GRIK2: variants seen among roughly 807,000 people sequenced by gnomAD.
The protein encoded by GRIK2 is glutamate receptor ionotropic, kainate 2.
Under a neutral mutation model 100.3 loss-of-function variants are expected in GRIK2, and 32 were observed. The ratio of observed to expected loss-of-function variants is 0.32; its 90% confidence interval spans 0.24 to 0.43. The LOEUF is 0.43. Ranked by LOEUF, GRIK2 falls within the 20% of genes least tolerant of loss-of-function variation. GRIK2 has a pLI of 1.00. For missense variants in GRIK2, 843 were observed against 1,114.9 expected (o/e 0.76, Z 3.47); for synonymous variants, 417 against 389.4 (o/e 1.07, Z -0.83).
At chr6:101,579,231 C>G (rs1278986412) in intron 2 of GRIK2, among the ~76,000 whole-genome samples, 1 of 151,992 alleles carries the variant, frequency 6.6e-6, no homozygotes, top group Non-Finnish European at 1.5e-5. Flanking sequence ...AGTATATATT[C>G]CCATGGTCAT....
chr6:102,057,506 C>G (rs1041434498), intron 16 of GRIK2, among the ~76,000 whole-genome samples: 13 of 151,888 alleles, frequency 8.6e-5, no homozygotes, highest in Non-Finnish European at 1.5e-4. Flanking sequence ...TCTATATGAT[C>G]CTCTAAAAAT....
chr6:101,886,370 A>G (rs548593960), intron 11 of GRIK2, among the ~76,000 whole-genome samples: 1 of 152,114 alleles, frequency 6.6e-6, no homozygotes, highest in Admixed American at 6.5e-5. Flanking sequence ...GAATGTGTCT[A>G]TCTGTATCCT....
intron 2 of GRIK2, among the ~76,000 whole-genome samples, chr6:101,442,472 T>C (rs892438467): frequency 3.3e-5 from 5 of 152,096 alleles, no homozygotes; most frequent in Non-Finnish European, 5.9e-5. Flanking sequence ...GGGAGCCCTT[T>C]TTTACTTGGC....
rs1451926404 is a variant in GRIK2 at position 101,707,592 on chromosome 6, G to GTATATATATATATA, written c.951+21240_951+21241insATATATATATATAT. On this transcript the variant is annotated intron_variant, in intron 7 of 16. Coordinates refer to ENST00000369134, the MANE Select transcript of GRIK2 (RefSeq NM_021956.5). ...TATATGTGTATGTGTGTGTGTGTGT[G>GTATATATATATATA]TGTATATATGTGTGTATATATATAT... Among the ~76,000 whole-genome samples, 356 of 127,886 alleles carry GTATATATATATATA rather than the reference G, an allele frequency of 2.8e-3. 4 individuals carry two copies. Among genetic ancestry groups the GTATATATATATATA allele is most frequent in the East Asian group, 0.01 (41 of 3,914 alleles). 83.9% of individuals were successfully genotyped at this position (127,886 alleles called of 152,430 possible). A position where few individuals can be genotyped will look rare whatever the true frequency, so the allele number is the denominator to read the frequency against.
intron 2 of GRIK2, among the ~76,000 whole-genome samples, chr6:101,464,823 A>G (rs536068687): frequency 2.6e-4 from 40 of 152,092 alleles, no homozygotes; most frequent in Admixed American, 7.9e-4. Context: ...CCCGGCCCCA[A>G]ACATTCTTAT....
At chr6:101,652,900 A>G (rs958523228) in intron 4 of GRIK2, among the ~76,000 whole-genome samples, 4 of 151,170 alleles carry the variant, frequency 2.6e-5, no homozygotes, top group African/African-American at 9.8e-5. Flanking sequence ...TGTGTTTGCC[A>G]TAGGAAAGAG....
At position 101,688,065 on chromosome 6, in the gene GRIK2, A is replaced by G. The variant is rs547616929; in HGVS notation, c.951+1712A>G. ...TCATGTGAATATTTTTATATAATAT[A>G]TAAAAATATTTATTATATAAAAATA... is the stretch of plus-strand genomic sequence containing the variant. On this transcript the variant is annotated intron_variant, in intron 7 of 16. Coordinates refer to ENST00000369134, the MANE Select transcript of GRIK2 (RefSeq NM_021956.5). 3.5e-3 allele frequency among the ~76,000 whole-genome samples: 518 copies of G among 147,206 alleles called. 3 individuals carry two copies. Among genetic ancestry groups the G allele is most frequent in the Non-Finnish European group, 4.4e-3 (291 of 66,670 alleles).
intron 14 of GRIK2, among the ~76,000 whole-genome samples, chr6:101,938,807 T>C (rs1160875593): frequency 6.6e-6 from 1 of 152,064 alleles, no homozygotes; most frequent in Non-Finnish European, 1.5e-5. Context: ...ATACCCAGTT[T>C]CCATCTTAAA....
chr6:101,941,151 A>G (rs1033807147), intron 14 of GRIK2, among the ~76,000 whole-genome samples: 6 of 152,120 alleles, frequency 3.9e-5, no homozygotes, highest in Non-Finnish European at 7.4e-5. Flanking sequence ...TATCTAAACC[A>G]TATGATTATT....
At chr6:101,682,461 A>G (rs376600724) in intron 5 of GRIK2, 92 bp from the exon 6 acceptor site, 13 of 710,648 alleles carry the variant, frequency 1.8e-5, no homozygotes, top group Non-Finnish European at 3.1e-5. Context: ...TTGATTCTTT[A>G]TCACATCCTA....
At chr6:101,906,390 G>GTGTGTGTGTGTGTGTT (rs1228568613) in intron 12 of GRIK2, among the ~76,000 whole-genome samples, 1 of 141,138 alleles carries the variant, frequency 7.1e-6, no homozygotes, top group Non-Finnish European at 1.6e-5. Flanking sequence ...GTGTGTTTGT[G>GTGTGTGTGTGTGTGTT]TGTGTTTAAA....
chr6:101,421,569 T>C (rs1776412200), intron 2 of GRIK2, among the ~76,000 whole-genome samples: 1 of 152,210 alleles, frequency 6.6e-6, no homozygotes, highest in Non-Finnish European at 1.5e-5. Context: ...TTTTCAGTCC[T>C]GAAGGGTTAA....
chr6:102,059,836 A>G (rs1771658994), intron 16 of GRIK2, among the ~76,000 whole-genome samples: 1 of 150,600 alleles, frequency 6.6e-6, no homozygotes, highest in African/African-American at 2.4e-5. Context: ...TATAGAAAGA[A>G]TATTTTTCCC....
At chr6:101,798,957 C>A (rs1218073224) in intron 7 of GRIK2, among the ~76,000 whole-genome samples, 2 of 151,990 alleles carry the variant, frequency 1.3e-5, no homozygotes, top group Non-Finnish European at 2.9e-5. Context: ...GCCAAATGAA[C>A]TTTTATTCAT....
At position 102,001,155 on chromosome 6, in the gene GRIK2, C is replaced by T. The variant is rs78737746; in HGVS notation, c.2086-34186C>T. ...AAAAACCCAAATGCCCGCTAGGTGC[C>T]CAACACTGTTCCAGGCATTCTTCTT... is the stretch of plus-strand genomic sequence containing the variant. On this transcript the variant is annotated intron_variant, in intron 14 of 16. Transcript: ENST00000369134. Among the ~76,000 whole-genome samples, 1,276 of 151,756 alleles carry T rather than the reference C, an allele frequency of 8.4e-3. 21 individuals carry two copies. Among genetic ancestry groups the T allele is most frequent in the African/African-American group, 0.03 (1,234 of 41,428 alleles).
At chr6:102,011,547 G>GAGT (rs886088167) in intron 14 of GRIK2, among the ~76,000 whole-genome samples, 1 of 139,012 alleles carries the variant, frequency 7.2e-6, no homozygotes, top group African/African-American at 2.8e-5. Flanking sequence ...TCCAGCCTAT[G>GAGT]AGTTATTTCT....
intron 10 of GRIK2, among the ~76,000 whole-genome samples, chr6:101,844,566 A>G (rs1783697971): frequency 6.6e-6 from 1 of 152,226 alleles, no homozygotes; most frequent in South Asian, 2.1e-4. Context: ...GTAAAGAACA[A>G]TCTTAAGCAT....
chr6:101,445,778 C>T (rs1428616395), intron 2 of GRIK2, among the ~76,000 whole-genome samples: 4 of 152,090 alleles, frequency 2.6e-5, no homozygotes, highest in Non-Finnish European at 2.9e-5. Flanking sequence ...GACTCATTCA[C>T]TAATGTGGTC....
chr6:101,751,410 A>AT (rs1776778018), intron 7 of GRIK2, among the ~76,000 whole-genome samples: 1 of 152,104 alleles, frequency 6.6e-6, no homozygotes, highest in Non-Finnish European at 1.5e-5. Context: ...TTACTTTTCC[A>AT]TTTTATATCA....
Sources: allele counts gnomAD v4.1 joint callset (sites outside exome capture counted in the v4.1 genomes callset), GRCh38; gene constraint gnomAD v4.1.1; transcripts MANE v1.5; gene names NCBI Gene and HGNC (gene_info 2026-07-23, HGNC 2026-07-21).